KIFAP3: variants seen among roughly 807,000 people sequenced by gnomAD.
The protein encoded by KIFAP3 is kinesin-associated protein 3.
Under a neutral mutation model 106.5 loss-of-function variants are expected in KIFAP3, and 68 were observed. The observed-to-expected ratio is 0.64, with a 90% CI of 0.53 to 0.78. The LOEUF is 0.78. Ranked by LOEUF, KIFAP3 falls within the 30% of genes least tolerant of loss-of-function variation. The pLI, the probability that KIFAP3 is intolerant of heterozygous loss-of-function variation, is 0.00. For synonymous variants in KIFAP3, 320 were observed against 311.5 expected, an observed-to-expected ratio of 1.03 and a Z score of -0.29; for missense variants, 780 against 941.8, an observed-to-expected ratio of 0.83 and a Z score of 2.25.
upstream of KIFAP3, among the ~76,000 whole-genome samples, chr1:170,075,405 G>C (rs1298060538): frequency 1.3e-5 from 2 of 152,148 alleles, no homozygotes; most frequent in Non-Finnish European, 2.9e-5. Context: ...ACCAAACCAG[G>C]CTCTAGGGAT....
At chr1:169,931,488 A>T (rs932138830) in intron 19 of KIFAP3, among the ~76,000 whole-genome samples, 1 of 152,190 alleles carries the variant, frequency 6.6e-6, no homozygotes, top group African/African-American at 2.4e-5. Flanking sequence ...GCAATATTTT[A>T]ATGAAGGTAT....
At chr1:170,052,415 A>G (rs1021823122) in intron 2 of KIFAP3, among the ~76,000 whole-genome samples, 7 of 152,224 alleles carry the variant, frequency 4.6e-5, no homozygotes, top group Admixed American at 3.9e-4. Context: ...CCAGAGGTAC[A>G]AAGAGGAGTG....
At chr1:169,979,859 C>G (rs1333389263) in intron 15 of KIFAP3, among the ~76,000 whole-genome samples, 1 of 151,724 alleles carries the variant, frequency 6.6e-6, no homozygotes, top group African/African-American at 2.4e-5. Context: ...GTCCTCCCCC[C>G]CACAAAAACC....
intron 17 of KIFAP3, among the ~76,000 whole-genome samples, chr1:169,971,549 A>G (rs78799414): frequency 0.018 from 2,792 of 152,152 alleles, 73 homozygotes; most frequent in African/African-American, 0.063. Flanking sequence ...AAATCCAAAA[A>G]ACAGATGATA....
intron 17 of KIFAP3, among the ~76,000 whole-genome samples, chr1:169,972,137 A>C (rs1054007595): frequency 6.6e-6 from 1 of 151,984 alleles, no homozygotes; most frequent in Non-Finnish European, 1.5e-5. Flanking sequence ...TGAAAAAAAT[A>C]GCTGATACAA....
At chr1:170,035,208 G>A (rs1669622415) in intron 6 of KIFAP3, among the ~76,000 whole-genome samples, 3 of 151,950 alleles carry the variant, frequency 2.0e-5, no homozygotes, top group Admixed American at 1.3e-4. Flanking sequence ...CAAAGAGGGT[G>A]CCACTATTAC....
intron 19 of KIFAP3, among the ~76,000 whole-genome samples, chr1:169,925,000 G>A (rs980275736): frequency 5.3e-5 from 8 of 152,246 alleles, no homozygotes; most frequent in Non-Finnish European, 1.0e-4. Flanking sequence ...CTCTTGCCTT[G>A]TGTGGCCATT....
At chr1:170,059,713 A>C (rs1473793776) in intron 1 of KIFAP3, among the ~76,000 whole-genome samples, 1 of 152,160 alleles carries the variant, frequency 6.6e-6, no homozygotes, top group Non-Finnish European at 1.5e-5. Context: ...GACACAACAA[A>C]AAAAAAGAAT....
intron 2 of KIFAP3, among the ~76,000 whole-genome samples, chr1:170,048,914 C>T (rs569541465): frequency 6.6e-6 from 1 of 152,102 alleles, no homozygotes; most frequent in Non-Finnish European, 1.5e-5. Flanking sequence ...TTTGGGCAGG[C>T]ACCGAGCTAG....
intron 18 of KIFAP3, among the ~76,000 whole-genome samples, chr1:169,955,835 T>C (rs900305588): frequency 6.6e-6 from 1 of 152,070 alleles, no homozygotes; most frequent in Non-Finnish European, 1.5e-5. Context: ...CCACTAGAAG[T>C]TAAAGTTTCT....
intron 3 of KIFAP3, chr1:170,041,920 G>A (rs1040638213): frequency 7.9e-7 from 1 of 1,270,540 alleles, no homozygotes; most frequent in Non-Finnish European, 1.0e-6. Context: ...AAGTACTCCT[G>A]GGCGATTTCG....
chr1:170,018,505 A>C (rs1668635700), intron 9 of KIFAP3, among the ~76,000 whole-genome samples: 1 of 151,352 alleles, frequency 6.6e-6, no homozygotes, highest in African/African-American at 2.4e-5. Context: ...CAATGGCAAA[A>C]AAAGAAATTT....
chr1:169,952,284 A>T (rs878940514), intron 19 of KIFAP3, among the ~76,000 whole-genome samples: 4 of 152,016 alleles, frequency 2.6e-5, no homozygotes, highest in African/African-American at 9.7e-5. Context: ...ATGCTTTTAA[A>T]CTTTGGGTCA....
At chr1:169,956,007 T>G (rs904453251) in intron 18 of KIFAP3, among the ~76,000 whole-genome samples, 1 of 152,136 alleles carries the variant, frequency 6.6e-6, no homozygotes, top group Non-Finnish European at 1.5e-5. Flanking sequence ...GTAAACTTTT[T>G]AAAAATGGCT....
intron 1 of KIFAP3, among the ~76,000 whole-genome samples, chr1:170,066,612 T>G (rs1434570860): frequency 1.3e-5 from 2 of 152,182 alleles, no homozygotes; most frequent in African/African-American, 2.4e-5. Flanking sequence ...CCTAGAGGTA[T>G]CTGCTAACTG....
intron 1 of KIFAP3, among the ~76,000 whole-genome samples, chr1:170,065,744 A>G (rs758779346): frequency 7.5e-4 from 114 of 152,302 alleles, no homozygotes; most frequent in Non-Finnish European, 1.4e-3. Context: ...ATTTAAATAC[A>G]TTACATTTTA....
At chr1:170,037,254 G>C (rs186492730) in intron 5 of KIFAP3, among the ~76,000 whole-genome samples, 88 of 152,250 alleles carry the variant, frequency 5.8e-4, no homozygotes, top group African/African-American at 1.7e-3. Context: ...TAGCAGAAAA[G>C]ACATTTGAAA....
chr1:169,988,965 G>A (rs1666970312), intron 11 of KIFAP3, among the ~76,000 whole-genome samples: 1 of 151,838 alleles, frequency 6.6e-6, no homozygotes, highest in Non-Finnish European at 1.5e-5. Context: ...AAAAAAATGG[G>A]AAAAAGAAAA....
chr1:170,058,516 C>T (rs1670967597), intron 1 of KIFAP3, among the ~76,000 whole-genome samples: 1 of 152,084 alleles, frequency 6.6e-6, no homozygotes, highest in Non-Finnish European at 1.5e-5. Context: ...CCACAGTTTA[C>T]AGCATGGGTA....
Sources: allele counts gnomAD v4.1 joint callset (sites outside exome capture counted in the v4.1 genomes callset), GRCh38; gene constraint gnomAD v4.1.1; transcripts MANE v1.5; gene names NCBI Gene and HGNC (gene_info 2026-07-23, HGNC 2026-07-21).